Variants in PTPDC1 observed in about 807,000 individuals in gnomAD.
PTPDC1 encodes the protein protein tyrosine phosphatase domain-containing protein 1.
A neutral mutation model predicts 75.3 loss-of-function variants in PTPDC1; 53 were observed. That is an observed-to-expected ratio of 0.70 (90% CI 0.56 to 0.88). The LOEUF (loss-of-function observed/expected upper bound fraction) is 0.88, where lower values mean the gene tolerates loss of function less well. Among genes scored for constraint, PTPDC1 ranks in the 40% least tolerant of loss-of-function variants. PTPDC1 has a pLI of 0.00. For missense variants in PTPDC1, 925 were observed against 998.6 expected, an observed-to-expected ratio of 0.93 and a Z score of 0.99; for synonymous variants, 349 against 366.2, an observed-to-expected ratio of 0.95 and a Z score of 0.54.
In PTPDC1 at chr9:94,088,234, A is replaced by ACCT. The variant is rs1827147399; in HGVS notation, c.588_590dup (p.Leu197dup). 2 of 1,613,978 alleles carry ACCT rather than the reference A, an allele frequency of 1.2e-6. No homozygotes were observed. Among genetic ancestry groups the ACCT allele is most frequent in the Non-Finnish European group, 1.7e-6 (2 of 1,179,948 alleles). ...CTGGAACAAGAAAGTGGCTTCACAT[A>ACCT]CCTTCCTGAGGCTTTCATGGAGGCT... On this transcript the variant is annotated inframe_insertion, in exon 4 of 9. Coordinates refer to ENST00000620992, the MANE Select transcript of PTPDC1 (RefSeq NM_001253829.2).
chr9:94,082,079 G>T (rs1415535011), upstream of PTPDC1, among the ~76,000 whole-genome samples: 1 of 152,182 alleles, frequency 6.6e-6, no homozygotes, highest in East Asian at 1.9e-4. Flanking sequence ...AAATTTGAGT[G>T]CAGCCTAAGC....
At chr9:94,085,090 GT>G (rs1352262892) in intron 1 of PTPDC1, among the ~76,000 whole-genome samples, 160 bp from the exon 2 acceptor site, 9 of 152,278 alleles carry the variant, frequency 5.9e-5, no homozygotes, top group Admixed American at 4.6e-4. Flanking sequence ...AGAGATATAT[GT>G]CACTTTGACA....
chr9:94,064,762 A>G, exon 2 of PTPDC1: 2 of 1,613,798 alleles, frequency 1.2e-6, no homozygotes, highest in Non-Finnish European at 1.7e-6. Context: ...GTCTTGCCTC[A>G]GAATGAACAA....
At chr9:94,103,982 A>G (rs1827931074) in intron 7 of PTPDC1, among the ~76,000 whole-genome samples, 1 of 152,250 alleles carries the variant, frequency 6.6e-6, no homozygotes, top group African/African-American at 2.4e-5. Context: ...GGGAAAATCT[A>G]TTCAGTTCAC....
chr9:94,102,077 CAT>C (rs1827860765), intron 7 of PTPDC1, among the ~76,000 whole-genome samples: 1 of 152,144 alleles, frequency 6.6e-6, no homozygotes, highest in African/African-American at 2.4e-5. Context: ...AAAGTTATAA[CAT>C]AGCTATTTTC....
At chr9:94,094,459 G>A (rs1361795351) in intron 4 of PTPDC1, among the ~76,000 whole-genome samples, 1 of 152,176 alleles carries the variant, frequency 6.6e-6, no homozygotes, top group East Asian at 1.9e-4. Flanking sequence ...TGCGTGCTGG[G>A]AGAACCACAG....
chr9:94,097,059 C>T (rs1434943752), intron 5 of PTPDC1, among the ~76,000 whole-genome samples: 3 of 152,212 alleles, frequency 2.0e-5, no homozygotes, highest in South Asian at 2.1e-4. Flanking sequence ...TGTGCTGGCA[C>T]AGCTCTGGGC....
At chr9:94,103,506 A>G (rs1224754902) in intron 7 of PTPDC1, among the ~76,000 whole-genome samples, 2 of 152,200 alleles carry the variant, frequency 1.3e-5, no homozygotes, top group African/African-American at 2.4e-5. Flanking sequence ...CCCTCGGGCA[A>G]TTCACCTAGG....
chr9:94,088,662 C>T (rs1564028032), intron 4 of PTPDC1, among the ~76,000 whole-genome samples: 3 of 152,122 alleles, frequency 2.0e-5, no homozygotes, highest in African/African-American at 7.2e-5. Context: ...AGGTTTGGAA[C>T]CTGGACATGC....
At chr9:94,065,728 G>T (rs1826281401) in intron 2 of PTPDC1, among the ~76,000 whole-genome samples, 1 of 152,164 alleles carries the variant, frequency 6.6e-6, no homozygotes, top group African/African-American at 2.4e-5. Flanking sequence ...TCTTTGCTGT[G>T]TTTGGCCCTA....
intron 2 of PTPDC1, among the ~76,000 whole-genome samples, chr9:94,067,776 T>C (rs1826362982): frequency 6.6e-6 from 1 of 152,036 alleles, no homozygotes; most frequent in South Asian, 2.1e-4. Flanking sequence ...TAATTTTTGT[T>C]TTCTTAGTAG....
chr9:94,067,127 C>T (rs529279511), intron 2 of PTPDC1, among the ~76,000 whole-genome samples: 24 of 152,222 alleles, frequency 1.6e-4, no homozygotes, highest in Admixed American at 3.3e-4. Flanking sequence ...CGGTAGCTCA[C>T]GCCTGTAATC....
chr9:94,107,957 G>A lies in PTPDC1; in HGVS notation c.*13G>A, dbSNP rs774269144. 19 of 1,497,496 alleles carry A rather than the reference G, an allele frequency of 1.3e-5. No homozygotes were observed. The South Asian group carries it at 2.0e-4, about 16-fold the overall frequency. The allele number at this position is 1,497,496 out of a possible 1,614,324, so 92.8% of individuals were successfully genotyped here. ...GCCTGGCCTCTAGCTTTCACTCGTG[G>A]TGAATATTTCAGACCTAAAGATCCA... On this transcript the variant is annotated 3_prime_UTR_variant, in exon 9 of 9. Transcript: ENST00000620992.
At chr9:94,079,115 C>G (rs1216554912) in intron 2 of PTPDC1, among the ~76,000 whole-genome samples, 2 of 152,086 alleles carry the variant, frequency 1.3e-5, no homozygotes, top group Non-Finnish European at 2.9e-5. Context: ...TCTAGATACT[C>G]TTCCCTCCCC....
chr9:94,102,372 A>G (rs1271624370), intron 7 of PTPDC1, among the ~76,000 whole-genome samples: 3 of 151,558 alleles, frequency 2.0e-5, no homozygotes, highest in Non-Finnish European at 4.4e-5. Flanking sequence ...TATGTTTAAA[A>G]TAGAGGAAAT....
intron 2 of PTPDC1, among the ~76,000 whole-genome samples, chr9:94,071,234 G>C (rs1829182698): frequency 6.6e-6 from 1 of 152,018 alleles, no homozygotes; most frequent in Admixed American, 6.6e-5. Context: ...GTCTTTTGTG[G>C]TTTTAATTTG....
rs1409430408 is a variant in PTPDC1 at position 94,097,953 on chromosome 9, G to A, written c.1387G>A (p.Glu463Lys). The A allele has an allele frequency of 6.2e-7, 1 of 1,614,162 alleles. No homozygotes were observed. The highest frequency in any genetic ancestry group is 8.5e-7 in the Non-Finnish European group (1 of 1,180,046). Residue 463 changes from glutamate to lysine, a missense_variant, in exon 6 of 9, where the codon GAG becomes AAG. Physicochemically the swap from Glu to Lys is moderately conservative, Grantham distance 56. Coordinates refer to ENST00000620992, the MANE Select transcript of PTPDC1 (RefSeq NM_001253829.2). ...GGCCGAGAACCTCCTGGAGCAAGGG[G>A]AGACTCCACAGACAGTGCCTGCCCA... ...KRAENLLEQGETPQTVPAQIL... is the reference protein window; with the variant it reads ...KRAENLLEQGKTPQTVPAQIL...
At chr9:94,080,994 C>T (rs4744312), upstream of PTPDC1, among the ~76,000 whole-genome samples, 58,553 of 116,644 alleles carry the variant, frequency 0.5, 14,871 homozygotes, top group African/African-American at 0.67. Flanking sequence ...TTTTCTTTTT[C>T]TTTTTTTTTT....
intron 1 of PTPDC1, among the ~76,000 whole-genome samples, chr9:94,049,198 A>G (rs1441190613): frequency 2.0e-5 from 3 of 152,138 alleles, no homozygotes; most frequent in Non-Finnish European, 1.5e-5. Flanking sequence ...CATTTAGCCC[A>G]TTTACATTTA....
Sources: allele counts gnomAD v4.1 joint callset (sites outside exome capture counted in the v4.1 genomes callset), GRCh38; gene constraint gnomAD v4.1.1; transcripts MANE v1.5; gene names NCBI Gene and HGNC (gene_info 2026-07-23, HGNC 2026-07-21).